Variants in STAP2 observed in about 807,000 individuals in gnomAD.
STAP2 encodes signal-transducing adaptor protein 2.
Under a neutral mutation model 52.7 loss-of-function variants are expected in STAP2, and 58 were observed. The ratio of observed to expected loss-of-function variants is 1.10; its 90% CI spans 0.89 to 1.37. The LOEUF is 1.37. Ranked by LOEUF, STAP2 falls within the 40% of genes most tolerant of loss-of-function variation. The pLI is 0.00. For synonymous variants in STAP2, 231 were observed against 210.5 expected (o/e 1.10, Z -0.84); for missense variants, 522 against 519.4 (o/e 1.00, Z -0.05).
Position 4,328,821 on chromosome 19 carries a change from C to A in STAP2, c.456-12G>T, listed in dbSNP as rs761726598. 1 of 1,605,894 alleles carries A rather than the reference C, an allele frequency of 6.2e-7. No individual in the cohort carries two copies. The highest frequency in any genetic ancestry group is 8.5e-7 in the Non-Finnish European group (1 of 1,176,924). On this transcript the variant is annotated splice_polypyrimidine_tract_variant and intron_variant, in intron 5 of 12. Coordinates refer to ENST00000594605, the MANE Select transcript of STAP2 (RefSeq NM_001013841.2). ...CCTTCAGGAAGCACCTGTGGCGGGCCGCGTCACCCACTCGGGACCCCGGAG... is the reference window on the plus strand; with the variant it reads ...CCTTCAGGAAGCACCTGTGGCGGGCAGCGTCACCCACTCGGGACCCCGGAG...
At chr19:4,324,945 T>G (rs1971761272) in intron 11 of STAP2, 4 of 453,554 alleles carry the variant, frequency 8.8e-6, no homozygotes, top group Non-Finnish European at 1.6e-5. Flanking sequence ...CCATCCTGGC[T>G]AACATGGTGA....
intron 6 of STAP2, 126 bp downstream of exon 6, chr19:4,328,549 C>G: frequency 1.5e-6 from 2 of 1,346,584 alleles, no homozygotes; most frequent in Non-Finnish European, 2.0e-6. Context: ...CCCGTCTCGG[C>G]TCTGGCTCCG....
chr19:4,331,448 G>A (rs1328104538), intron 4 of STAP2, among the ~76,000 whole-genome samples: 1 of 151,598 alleles, frequency 6.6e-6, no homozygotes, highest in Non-Finnish European at 1.5e-5. Context: ...TGGCCAACAG[G>A]GTGAAACCCC....
rs768861886 is a variant in STAP2, at chr19:4,325,310, T to C, written c.980-2A>G. The stretch of plus-strand genomic sequence containing the variant: ...TGACTGGCCAACTAGAGGAAGCCAC[T>C]GCGTGGACAAAAGTGTAACGTGTCA... On this transcript the variant is annotated splice_acceptor_variant, in intron 10 of 12. Coordinates refer to ENST00000594605, the MANE Select transcript of STAP2 (RefSeq NM_001013841.2). LOFTEE classifies it high-confidence loss of function. 3 of 1,614,236 alleles carry C rather than the reference T, an allele frequency of 1.9e-6. No individual in the cohort carries two copies. The South Asian group carries it at 3.3e-5, about 18-fold the overall frequency.
At chr19:4,325,735 CCA>C (rs1394868060) in intron 9 of STAP2, among the ~76,000 whole-genome samples, 190 bp from the exon 10 acceptor site, 6 of 152,130 alleles carry the variant, frequency 3.9e-5, no homozygotes, top group African/African-American at 1.4e-4. Context: ...CTTTGGGAGG[CCA>C]GGGTGGGCGG....
Position 4,326,994 on chromosome 19 carries a change from G to A in STAP2, c.777C>T (p.Ala259=), listed in dbSNP as rs1275272690. The A allele has an allele frequency of 1.9e-6, 3 of 1,557,118 alleles. No homozygotes were observed. The highest frequency in any genetic ancestry group is 3.9e-5 in the Admixed American group (2 of 51,472). The part of the protein sequence containing the change: ...DYEKVLGYVE[A]DKENGENVWV... ...ACACATTCTCGCCATTCTCCTTATC[G>A]GCTTCCACGTAGCCTGGAACAGAGA... Residue 259 remains alanine (A), a synonymous_variant, in exon 9 of 13, where the codon GCC becomes GCT. Transcript: ENST00000594605.
chr19:4,338,273 G>A (rs1292130891), intron 1 of STAP2: 1 of 165,350 alleles, frequency 6.0e-6, no homozygotes, highest in Admixed American at 6.3e-5. Context: ...GGCTGGGAGC[G>A]GGAGGAAGCT....
At chr19:4,331,414 C>G (rs529924024) in intron 4 of STAP2, among the ~76,000 whole-genome samples, 73 of 151,938 alleles carry the variant, frequency 4.8e-4, no homozygotes, top group Non-Finnish European at 8.8e-4. Context: ...GGGCAGATGA[C>G]TCAAGGTCAG....
At chr19:4,331,887 G>T (rs1971896756) in intron 4 of STAP2, 135 bp downstream of exon 4, 6 of 787,084 alleles carry the variant, frequency 7.6e-6, no homozygotes, top group Non-Finnish European at 1.2e-5. Flanking sequence ...AGCCGAGATC[G>T]CACCACTGCA....
intron 9 of STAP2, 96 bp from the exon 10 acceptor site, chr19:4,325,641 T>C (rs1971779526): frequency 5.2e-6 from 7 of 1,358,086 alleles, no homozygotes; most frequent in Non-Finnish European, 6.0e-6. Context: ...GAGACAGGCA[T>C]GTGTCCCTGT....
chr19:4,329,542 C>T (rs1218549693), intron 5 of STAP2, among the ~76,000 whole-genome samples: 1 of 151,988 alleles, frequency 6.6e-6, no homozygotes, highest in Non-Finnish European at 1.5e-5. Context: ...AGGCCCTGCC[C>T]GCCTCCCTGA....
chr19:4,325,708 C>T (rs1442116482), intron 9 of STAP2, among the ~76,000 whole-genome samples, 163 bp from the exon 10 acceptor site: 2 of 152,164 alleles, frequency 1.3e-5, no homozygotes, highest in African/African-American at 4.8e-5. Flanking sequence ...CGGTGGCTCA[C>T]GCCTGTAATC....
intron 5 of STAP2, 142 bp downstream of exon 5, chr19:4,329,814 TCCCCC>T: frequency 4.2e-5 from 2 of 47,766 alleles, no homozygotes; most frequent in Non-Finnish European, 8.8e-5. Flanking sequence ...TAACTCCCCC[TCCCCC>T]TCCCCCACCC....
rs200429772 is a variant in STAP2 at position 4,327,410 on chromosome 19, T to C, written c.591-25A>G. 38 of 1,613,542 alleles carry C rather than the reference T, an allele frequency of 2.4e-5. No homozygotes were observed. In the East Asian group the frequency reaches 6.7e-4, roughly 28 times the overall value. On this transcript the variant is annotated intron_variant, in intron 6 of 12. Transcript: ENST00000594605. The stretch of plus-strand genomic sequence containing the variant: ...CCTGCACCAGGAGAAAGCGAGTGAG[T>C]GGCTCAGCCCAGGCTCCCACACCGC...
At chr19:4,326,836 G>A (rs1280667269) in intron 9 of STAP2, 106 bp downstream of exon 9, 15 of 1,395,084 alleles carry the variant, frequency 1.1e-5, no homozygotes, top group African/African-American at 1.4e-5. Context: ...TGCAACTTTG[G>A]GAACATCAGA....
intron 3 of STAP2, among the ~76,000 whole-genome samples, chr19:4,333,051 G>A (rs1451573013): frequency 2.6e-5 from 4 of 151,052 alleles, no homozygotes; most frequent in African/African-American, 9.7e-5. Context: ...TTAGCTGTGC[G>A]TGGTGGCACA....
intron 3 of STAP2, 97 bp from the exon 4 acceptor site, chr19:4,332,175 G>GTT: frequency 2.6e-6 from 2 of 760,754 alleles, no homozygotes; most frequent in Non-Finnish European, 3.9e-6. Flanking sequence ...TCAAAGGGCC[G>GTT]TTTTCTTTTT....
At chr19:4,330,465 G>T (rs979450001) in intron 4 of STAP2, among the ~76,000 whole-genome samples, 3 of 151,070 alleles carry the variant, frequency 2.0e-5, no homozygotes, top group African/African-American at 7.3e-5. Context: ...GGAGGCTGCA[G>T]TAAGCCAAGA....
At chr19:4,331,114 G>A (rs1457268041) in intron 4 of STAP2, among the ~76,000 whole-genome samples, 3 of 152,072 alleles carry the variant, frequency 2.0e-5, no homozygotes, top group African/African-American at 7.2e-5. Context: ...TGGATTGCTT[G>A]AGCACGGAAG....
Sources: allele counts gnomAD v4.1 joint callset (sites outside exome capture counted in the v4.1 genomes callset), GRCh38; gene constraint gnomAD v4.1.1; transcripts MANE v1.5; gene names NCBI Gene and HGNC (gene_info 2026-07-23, HGNC 2026-07-21).